COPS4: variants seen among roughly 807,000 people sequenced by gnomAD.
COPS4 encodes COP9 signalosome subunit 4, also known as COP9 signalosome complex subunit 4.
Under a neutral mutation model 55.1 loss-of-function variants are expected in COPS4, and 8 were observed. The observed-to-expected ratio is 0.15, with a 90% CI of 0.09 to 0.26. The LOEUF (loss-of-function observed/expected upper bound fraction) is 0.26, where lower values mean the gene tolerates loss of function less well. Ranked by LOEUF, COPS4 falls within the 10% of genes least tolerant of loss-of-function variation. The pLI, the probability that COPS4 is intolerant of heterozygous loss-of-function variation, is 1.00. For missense variants in COPS4, 248 were observed against 484.0 expected (o/e 0.51, Z 4.58); for synonymous variants, 185 against 165.7 (o/e 1.12, Z -0.90).
In COPS4 at chr4:83,075,419, A is replaced by G; in HGVS notation, c.1210A>G (p.Met404Val). The change falls in exon 10 of 10, where the codon ATG becomes GTG. Residue 404 changes from methionine to valine, a missense_variant. Physicochemically the swap from Met to Val is conservative, Grantham distance 21. Transcript: ENST00000264389. ...GACAGCACAAGCCATGGAAGCCCAG[A>G]TGGCTCAGTGAATCCTTGCAGAACT... ...EWTAQAMEAQ[M>V]AQ 6.2e-7 allele frequency: 1 copy of G among 1,614,106 alleles called. No individual in the cohort carries two copies. The highest frequency in any genetic ancestry group is 8.5e-7 in the Non-Finnish European group (1 of 1,180,022).
chr4:83,052,563 G>A (rs1202081390), intron 4 of COPS4, among the ~76,000 whole-genome samples: 1 of 152,086 alleles, frequency 6.6e-6, no homozygotes, highest in Non-Finnish European at 1.5e-5. Flanking sequence ...TATAGTGGTG[G>A]AATTTGTGTA....
chr4:83,049,506 A>T, intron 3 of COPS4, 189 bp downstream of exon 3: 1 of 523,342 alleles, frequency 1.9e-6, no homozygotes, highest in Non-Finnish European at 3.2e-6. Flanking sequence ...ACATTTGCTT[A>T]TAAAGTAAAA....
At chr4:83,040,997 G>A (rs762417493) in intron 1 of COPS4, among the ~76,000 whole-genome samples, 29 of 151,088 alleles carry the variant, frequency 1.9e-4, no homozygotes, top group Non-Finnish European at 4.0e-4. Context: ...ATGATAAATG[G>A]ATAGGAGAGA....
At chr4:83,039,219 TA>T (rs1206854234) in intron 1 of COPS4, among the ~76,000 whole-genome samples, 15 of 152,230 alleles carry the variant, frequency 9.9e-5, no homozygotes, top group Non-Finnish European at 2.1e-4. Flanking sequence ...CCAGGCCAGG[TA>T]GGCAGCTCTG....
chr4:83,066,578 T>TA (rs757338591), intron 8 of COPS4, 25 bp downstream of exon 8: 72 of 1,129,384 alleles, frequency 6.4e-5, no homozygotes, highest in Middle Eastern at 2.3e-4. Flanking sequence ...CCAATACATT[T>TA]AAAAAAAAGT....
In COPS4 at chr4:83,049,223, C is replaced by T. The variant is rs765851397; in HGVS notation, c.212C>T (p.Thr71Ile). 6.2e-7 allele frequency: 1 copy of T among 1,610,972 alleles called. No homozygotes were observed. The highest frequency in any genetic ancestry group is 1.1e-5 in the South Asian group (1 of 90,566). Residue 71 changes from threonine (T) to isoleucine (I), a missense_variant, in exon 3 of 10, where the codon ACA (threonine) becomes ATA (isoleucine). By Grantham distance (89) the Thr-to-Ile change is moderately conservative (BLOSUM62 -1). Around this residue, in one of 4 missense-constraint regions of COPS4, gnomAD observed 155 missense variants for 326.6 expected, o/e 0.47. Coordinates refer to ENST00000264389, the MANE Select transcript of COPS4 (RefSeq NM_016129.3). ...CGGCAGTTGCTGACTGATTTTTGCA[C>T]ACATCTTCCTAACTTGCCTGATAGC... ...ISRQLLTDFC[T>I]HLPNLPDSTA... is the part of the protein sequence containing the mutation.
intron 9 of COPS4, among the ~76,000 whole-genome samples, chr4:83,074,549 A>G (rs562497293): frequency 4.9e-5 from 7 of 142,986 alleles, no homozygotes; most frequent in Admixed American, 1.4e-4. Flanking sequence ...TGCAACCTCT[A>G]CCTCCTGGGT....
intron 7 of COPS4, among the ~76,000 whole-genome samples, chr4:83,065,427 A>C (rs1731271454): frequency 6.6e-6 from 1 of 152,214 alleles, no homozygotes; most frequent in African/African-American, 2.4e-5. Flanking sequence ...GATAGGAGTT[A>C]AGTGAAAAAC....
chr4:83,042,904 C>A (rs1730603510), intron 1 of COPS4, among the ~76,000 whole-genome samples: 1 of 151,524 alleles, frequency 6.6e-6, no homozygotes, highest in East Asian at 1.9e-4. Flanking sequence ...CACGCCCAAC[C>A]AATTTTTGTA....
In COPS4 at chr4:83,071,141, C is replaced by A. The variant is rs138728683; in HGVS notation, c.1087+2619C>A. On this transcript the variant is annotated intron_variant, in intron 9 of 9. Transcript: ENST00000264389. Reference sequence around the variant, plus strand: ...TCCTAGAATTTATTTTAGTTATTTTCAGTTGTGTAACTATTTGTCTAAATG... The same window carrying A: ...TCCTAGAATTTATTTTAGTTATTTTAAGTTGTGTAACTATTTGTCTAAATG... 5.0e-3 allele frequency among the ~76,000 whole-genome samples: 764 copies of A among 152,240 alleles called. 5 individuals carry two copies. The highest frequency in any genetic ancestry group is 9.0e-3 in the Non-Finnish European group (611 of 68,020).
At chr4:83,073,261 T>C in intron 9 of COPS4, 1 of 699,202 alleles carries the variant, frequency 1.4e-6, no homozygotes, top group South Asian at 1.5e-5. Flanking sequence ...TCTGGATAGT[T>C]CATATAAATG....
At position 83,045,586 on chromosome 4, in the gene COPS4, A is replaced by G. The variant is rs185938538; in HGVS notation, c.75-40A>G. 9 of 1,461,862 alleles carry G rather than the reference A, an allele frequency of 6.2e-6. No homozygotes were observed. In the East Asian group the frequency reaches 1.8e-4, roughly 30 times the overall value. 90.6% of individuals were successfully genotyped at this position (1,461,862 alleles called of 1,614,324 possible). The stretch of plus-strand genomic sequence containing the variant: ...CATCAAAGTTTGCATTAGAAAATAT[A>G]GTACCCTCAGAACATTATTTTCATT... On this transcript the variant is annotated intron_variant, in intron 1 of 9. Transcript: ENST00000264389.
chr4:83,065,086 G>T, intron 7 of COPS4: 1 of 685,338 alleles, frequency 1.5e-6, no homozygotes, highest in Non-Finnish European at 2.7e-6. Context: ...TTTTGCCCAG[G>T]CTGGTCTTGA....
intron 9 of COPS4, among the ~76,000 whole-genome samples, chr4:83,069,768 T>C (rs1355783551): frequency 6.6e-6 from 1 of 152,222 alleles, no homozygotes; most frequent in African/African-American, 2.4e-5. Flanking sequence ...ATTTTAGATA[T>C]AGATGTGAAT....
At chr4:83,065,118 C>T in intron 7 of COPS4, 2 of 660,766 alleles carry the variant, frequency 3.0e-6, no homozygotes, top group South Asian at 1.6e-5. Flanking sequence ...CAAGCAGTTC[C>T]TCCCATCTTG....
Position 83,071,498 on chromosome 4 carries a change from T to G in COPS4, c.1087+2976T>G, listed in dbSNP as rs28696234. Reference sequence around the variant, plus strand: ...CAGTGGTATGATCATAGCTCACTGTTGCCTCAAACTCCTGAGCTCAAGCTG... The same window carrying G: ...CAGTGGTATGATCATAGCTCACTGTGGCCTCAAACTCCTGAGCTCAAGCTG... On this transcript the variant is annotated intron_variant, in intron 9 of 9. Coordinates refer to ENST00000264389, the MANE Select transcript of COPS4 (RefSeq NM_016129.3). 8.3e-3 allele frequency among the ~76,000 whole-genome samples: 1,264 copies of G among 152,166 alleles called. 12 individuals are homozygous for G. Among genetic ancestry groups the G allele is most frequent in the Non-Finnish European group, 0.01 (710 of 67,998 alleles).
chr4:83,038,213 T>G (rs1730474502), intron 1 of COPS4, among the ~76,000 whole-genome samples: 1 of 152,250 alleles, frequency 6.6e-6, no homozygotes, highest in Non-Finnish European at 1.5e-5. Context: ...GGTTTTCATC[T>G]CTAGAGTGAA....
Position 83,053,630 on chromosome 4 carries a change from C to T in COPS4, c.411-3296C>T, listed in dbSNP as rs145138937. On this transcript the variant is annotated intron_variant, in intron 4 of 9. Transcript: ENST00000264389. ...CTGAGGTGGGCAGATCACCTGAGGT[C>T]GGGAGCTTGAGATCAGCCTGGCCAA... Among the ~76,000 whole-genome samples, 954 of 151,804 alleles carry T rather than the reference C, an allele frequency of 6.3e-3. 7 individuals are homozygous for T. Among genetic ancestry groups the T allele is most frequent in the African/African-American group, 0.022 (893 of 41,382 alleles).
Position 83,050,285 on chromosome 4 carries a change from C to CTTGTTG in COPS4, c.410+322_410+327dup, listed in dbSNP as rs374355313. ...TGAGGAAAGAATATCACCAGATACTCTTGTTGTTGTTGTTGTTGTTGTTGT... is the reference window on the plus strand; with the variant it reads ...TGAGGAAAGAATATCACCAGATACTCTTGTTGTTGTTGTTGTTGTTGTTGTTGTTGT... On this transcript the variant is annotated intron_variant, in intron 4 of 9. Transcript: ENST00000264389. 6.6e-5 allele frequency among the ~76,000 whole-genome samples: 10 copies of CTTGTTG among 151,782 alleles called. No individual in the cohort carries two copies. In the South Asian group the frequency reaches 8.3e-4, roughly 13 times the overall value.
Sources: allele counts gnomAD v4.1 joint callset (sites outside exome capture counted in the v4.1 genomes callset), GRCh38; gene constraint gnomAD v4.1.1; regional missense constraint gnomAD v4.1.1; transcripts MANE v1.5; gene names NCBI Gene and HGNC (gene_info 2026-07-23, HGNC 2026-07-21).